RBM12B: variants seen among roughly 807,000 people sequenced by gnomAD.
The protein encoded by RBM12B is RNA-binding protein 12B.
In RBM12B, 10 loss-of-function variants were observed where a neutral mutation model predicts 34.3. That is an observed-to-expected ratio of 0.29 (90% CI 0.18 to 0.49). The LOEUF is 0.49. Ranked by LOEUF, RBM12B falls within the 20% of genes least tolerant of loss-of-function variation. The pLI is 0.99. For synonymous variants in RBM12B, 477 were observed against 437.1 expected, an observed-to-expected ratio of 1.09 and a Z score of -1.14; for missense variants, 1,139 against 1,262.7, an observed-to-expected ratio of 0.90 and a Z score of 1.48.
Position 93,740,616 on chromosome 8 carries a change from G to A in RBM12B, c.-78+13C>T. The A allele has an allele frequency of 2.9e-5, 12 of 415,640 alleles. No individual in the cohort carries two copies. The highest frequency in any genetic ancestry group is 1.4e-4 in the Admixed American group (5 of 34,988). The allele number at this position is 415,640 out of a possible 1,614,324, so 25.7% of individuals were successfully genotyped here. ...CCACTGACTACGATGACATAGCAAA[G>A]AAAAAAATATACCTATGAAATCCTT... On this transcript the variant is annotated intron_variant, in intron 2 of 3. Coordinates refer to ENST00000520560, the MANE Select transcript of RBM12B (RefSeq NM_001377960.1).
rs1223812339 is a variant in RBM12B at position 93,734,011 on chromosome 8, C to T, written c.2400G>A (p.Glu800=). The change falls in exon 4 of 4, where the codon GAG becomes GAA. Residue 800 remains glutamate (E), a synonymous_variant. Coordinates refer to ENST00000520560, the MANE Select transcript of RBM12B (RefSeq NM_001377960.1). ...CATCTGGTGGGTGCCTGAAATCTTC[C>T]TCTCGGGAGCGCCTGAAATGCTCCT... ...PPQEHFRRSR[E]EDFRHPPDED... is the part of the protein sequence containing the mutation. 6.2e-7 allele frequency: 1 copy of T among 1,609,322 alleles called. No individual in the cohort carries two copies. Among genetic ancestry groups the T allele is most frequent in the East Asian group, 2.2e-5 (1 of 44,810 alleles).
In RBM12B at chr8:93,740,713, A is replaced by G; in HGVS notation, c.-145-17T>C. 2.8e-6 allele frequency: 1 copy of G among 358,450 alleles called. No homozygotes were observed. Among genetic ancestry groups the G allele is most frequent in the Admixed American group, 3.8e-5 (1 of 26,646 alleles). The allele number at this position is 358,450 out of a possible 1,614,324, so 22.2% of individuals were successfully genotyped here. ...ACATGGAAGCTGACGGGAAAGGAAG[A>G]GTCGGTGTTTTAGCAAGAAAAGAGG... is the stretch of plus-strand genomic sequence containing the variant. On this transcript the variant is annotated splice_polypyrimidine_tract_variant and intron_variant, in intron 1 of 3. Transcript: ENST00000520560.
In RBM12B at chr8:93,731,382, A is replaced by T. The variant is rs1365041540; in HGVS notation, c.*2023T>A. ...TGAACCATCTATACAATCTTTGCTC[A>T]ATTAAAAATATCATTTCTACTTTCT... On this transcript the variant is annotated 3_prime_UTR_variant, in exon 4 of 4. Coordinates refer to ENST00000520560, the MANE Select transcript of RBM12B (RefSeq NM_001377960.1). 1 of 152,214 alleles carries T rather than the reference A, an allele frequency of 6.6e-6. No individual in the cohort carries two copies. Among genetic ancestry groups the T allele is most frequent in the Non-Finnish European group, 1.5e-5 (1 of 68,044 alleles). The allele number at this position is 152,214 out of a possible 1,614,324, so 9.4% of individuals were successfully genotyped here.
At position 93,734,536 on chromosome 8, in the gene RBM12B, C is replaced by G. The variant is rs1325079037; in HGVS notation, c.1875G>C (p.Glu625Asp). The G allele has an allele frequency of 1.2e-6, 2 of 1,613,180 alleles. No individual in the cohort carries two copies. Among genetic ancestry groups the G allele is most frequent in the South Asian group, 2.2e-5 (2 of 91,026 alleles). ...REEDWRRPLE[E>D]DWRRPLEEDF... ...CCTCCTCCAGTGGCCGCCTCCAGTC[C>G]TCCTCAAGGGGCCTCCTCCAGTCCT... Residue 625 changes from glutamate (E) to aspartate (D), a missense_variant, in exon 4 of 4, where the codon GAG becomes GAC. Glu to Asp is a conservative substitution (Grantham distance 45). Coordinates refer to ENST00000520560, the MANE Select transcript of RBM12B (RefSeq NM_001377960.1).
rs1350780194 is a variant in RBM12B at position 93,731,978 on chromosome 8, T to C, written c.*1427A>G. On this transcript the variant is annotated 3_prime_UTR_variant, in exon 4 of 4. Transcript: ENST00000520560. ...ATTTATGCTAATTTTAAACCAACAA[T>C]TGAAGTGAGAAAATAATCATTTATC... The C allele has an allele frequency of 6.6e-6, 1 of 152,298 alleles. No individual in the cohort carries two copies. Among genetic ancestry groups the C allele is most frequent in the Non-Finnish European group, 1.5e-5 (1 of 67,834 alleles). The allele number at this position is 152,298 out of a possible 1,614,324, so 9.4% of individuals were successfully genotyped here.
chr8:93,734,112 G>C lies in RBM12B; in HGVS notation c.2299C>G (p.Pro767Ala). The change falls in exon 4 of 4, where the codon CCC (proline) becomes GCC (alanine). Residue 767 changes from proline to alanine, a missense_variant. Physicochemically the swap from Pro to Ala is conservative, Grantham distance 27. Around this residue, in one of 3 missense-constraint regions of RBM12B, gnomAD observed 863 missense variants for 869.5 expected, o/e 0.99. Transcript: ENST00000520560. ...RPPPEHFRRP[P>A]PEHFRRPPPE... is the part of the protein sequence containing the mutation. ...GGCGGGCGCCTGAAATGCTCTGGGG[G>C]TGGCCGCCTGAAGTGCTCTGGGGGT... 1.3e-6 allele frequency: 2 copies of C among 1,558,812 alleles called. No individual in the cohort carries two copies. The highest frequency in any genetic ancestry group is 1.7e-6 in the Non-Finnish European group (2 of 1,154,806).
intron 2 of RBM12B, chr8:93,740,211 G>A: frequency 2.3e-6 from 1 of 431,634 alleles, no homozygotes; most frequent in Non-Finnish European, 4.7e-6. Flanking sequence ...ACCAATGAGA[G>A]CCACAGTCCC....
chr8:93,734,299 C>T lies in RBM12B; in HGVS notation c.2112G>A (p.Glu704=), dbSNP rs373825312. 6.2e-7 allele frequency: 1 copy of T among 1,613,560 alleles called. No homozygotes were observed. The highest frequency in any genetic ancestry group is 1.1e-5 in the South Asian group (1 of 91,048). ...CCTCAGGGGAATGCCTGAAATCCTCCTCTGGGGGCCGCCTGAAGTCATCCT... is the reference window on the plus strand; with the variant it reads ...CCTCAGGGGAATGCCTGAAATCCTCTTCTGGGGGCCGCCTGAAGTCATCCT... ...PPEDDFRRPP[E]EDFRHSPEED... is the part of the protein sequence containing the mutation. Residue 704 remains glutamate, a synonymous_variant, in exon 4 of 4, where the codon GAG becomes GAA. Transcript: ENST00000520560.
In RBM12B at chr8:93,735,220, G is replaced by A; in HGVS notation, c.1191C>T (p.Gly397=). 6.2e-7 allele frequency: 1 copy of A among 1,614,032 alleles called. No individual in the cohort carries two copies. Among genetic ancestry groups the A allele is most frequent in the Non-Finnish European group, 8.5e-7 (1 of 1,180,032 alleles). Residue 397 remains glycine (G), a synonymous_variant, in exon 4 of 4, where the codon GGC becomes GGT. Transcript: ENST00000520560. ...SQKYSQEGNS[G]QKLCIYIRNF... ...TTCTTATATAGATGCACAGTTTCTG[G>A]CCAGAGTTACCTTCTTGAGAGTATT...
chr8:93,733,199 TTTTAAA>T lies in RBM12B; in HGVS notation c.*200_*205del. On this transcript the variant is annotated 3_prime_UTR_variant, in exon 4 of 4. Coordinates refer to ENST00000520560, the MANE Select transcript of RBM12B (RefSeq NM_001377960.1). ...TCAAAGAAAAAAACAGCATGTGTAA[TTTTAAA>T]TTTGAAAAAAAAAAAGAATGGCAAT... 2.7e-6 allele frequency: 1 copy of T among 367,800 alleles called. No homozygotes were observed. The allele number at this position is 367,800 out of a possible 1,614,324, so 22.8% of individuals were successfully genotyped here.
intron 2 of RBM12B, among the ~76,000 whole-genome samples, chr8:93,737,980 A>T (rs1402102474): frequency 6.6e-6 from 1 of 152,190 alleles, no homozygotes; most frequent in Non-Finnish European, 1.5e-5. Flanking sequence ...AAAACAGCAA[A>T]GCCTGAAATT....
At position 93,736,243 on chromosome 8, in the gene RBM12B, G is replaced by A; in HGVS notation, c.168C>T (p.Ala56=). Residue 56 remains alanine (A), a synonymous_variant, in exon 4 of 4, where the codon GCC becomes GCT. Coordinates refer to ENST00000520560, the MANE Select transcript of RBM12B (RefSeq NM_001377960.1). ...IFATDEDARR[A]ISRSGGFIKD... is the part of the protein sequence containing the mutation. ...TGATAAACCCTCCTGAACGACTTAT[G>A]GCACGTCTTGCATCTTCATCTGTTG... 1 of 1,614,094 alleles carries A rather than the reference G, an allele frequency of 6.2e-7. No individual in the cohort carries two copies. The highest frequency in any genetic ancestry group is 1.1e-5 in the South Asian group (1 of 91,076).
chr8:93,735,897 G>A lies in RBM12B; in HGVS notation c.514C>T (p.Arg172Cys), dbSNP rs375093167. ...LPYLVNEDDV[R>C]VFFSGLCVDG... is the part of the protein sequence containing the mutation. ...ACGCACAAACCAGAGAAAAAGACAC[G>A]TACATCATCTTCATTTACTAGGTAA... The change falls in exon 4 of 4, where the codon CGT (arginine) becomes TGT (cysteine). Residue 172 changes from arginine to cysteine, a missense_variant. By Grantham distance (180) the Arg-to-Cys change is radical. Around this residue, in one of 3 missense-constraint regions of RBM12B, gnomAD observed 216 missense variants for 292.2 expected, o/e 0.74. Coordinates refer to ENST00000520560, the MANE Select transcript of RBM12B (RefSeq NM_001377960.1). 3.8e-5 allele frequency: 62 copies of A among 1,613,986 alleles called. No homozygotes were observed. The South Asian group carries it at 4.8e-4, about 13-fold the overall frequency.
At position 93,731,788 on chromosome 8, in the gene RBM12B, G is replaced by C. The variant is rs1811801663; in HGVS notation, c.*1617C>G. The stretch of plus-strand genomic sequence containing the variant: ...TTTATGTAAATTATAAAAGGCCAAA[G>C]TCAATCATGTTGAATAAAATAATTT... On this transcript the variant is annotated 3_prime_UTR_variant, in exon 4 of 4. Coordinates refer to ENST00000520560, the MANE Select transcript of RBM12B (RefSeq NM_001377960.1). The C allele has an allele frequency of 6.6e-6, 1 of 152,436 alleles. No homozygotes were observed. Among genetic ancestry groups the C allele is most frequent in the African/African-American group, 2.4e-5 (1 of 41,380 alleles). 9.4% of individuals were successfully genotyped at this position (152,436 alleles called of 1,614,324 possible). A position where few individuals can be genotyped will look rare whatever the true frequency, so the allele number is the denominator to read the frequency against.
rs376275334 is a variant in RBM12B at position 93,734,587 on chromosome 8, C to A, written c.1824G>T (p.Glu608Asp). The change falls in exon 4 of 4, where the codon GAG becomes GAT. Residue 608 changes from glutamate to aspartate, a missense_variant. Physicochemically the swap from Glu to Asp is conservative, Grantham distance 45. Around this residue, in one of 3 missense-constraint regions of RBM12B, gnomAD observed 863 missense variants for 869.5 expected, o/e 0.99. Transcript: ENST00000520560. ...CCTCCCTAGGGTGCCTGAAGTCATC[C>A]TCCGGAGGGCGCCTGAAATCTTCCT... ...PWEEDFRRPP[E>D]DDFRHPREED... is the part of the protein sequence containing the mutation. 23 of 1,613,508 alleles carry A rather than the reference C, an allele frequency of 1.4e-5. No individual in the cohort carries two copies. The highest frequency in any genetic ancestry group is 1.9e-5 in the Non-Finnish European group (22 of 1,179,814).
rs1811638655 is a variant in RBM12B, at chr8:93,728,398, C to T, written c.*5007G>A. 1 of 705,486 alleles carries T rather than the reference C, an allele frequency of 1.4e-6. No individual in the cohort carries two copies. Among genetic ancestry groups the T allele is most frequent in the African/African-American group, 1.9e-5 (1 of 52,628 alleles). 43.7% of individuals were successfully genotyped at this position (705,486 alleles called of 1,614,324 possible). On this transcript the variant is annotated 3_prime_UTR_variant, in exon 4 of 4. Coordinates refer to ENST00000520560, the MANE Select transcript of RBM12B (RefSeq NM_001377960.1). ...GCTATGTTAAGCCTCAAAGTGAAGT[C>T]CAACTGGAAACAGAAAAATAATTAA...
Position 93,733,473 on chromosome 8 carries a change from T to C in RBM12B, c.2938A>G (p.Met980Val), listed in dbSNP as rs1303561987. The C allele has an allele frequency of 4.4e-6, 7 of 1,596,734 alleles. No homozygotes were observed. The highest frequency in any genetic ancestry group is 2.7e-5 in the African/African-American group (2 of 73,990). The change falls in exon 4 of 4, where the codon ATG (methionine) becomes GTG (valine). Residue 980 changes from methionine to valine, a missense_variant. Met to Val is a conservative substitution (Grantham distance 21). Coordinates refer to ENST00000520560, the MANE Select transcript of RBM12B (RefSeq NM_001377960.1). ...IVAMINYNEAMAAIKDLNDRP... is the reference protein window; with the variant it reads ...IVAMINYNEAVAAIKDLNDRP... ...TCATTTAGATCTTTAATAGCAGCCA[T>C]AGCTTCATTATAGTTTATCATAGCA... is the stretch of plus-strand genomic sequence containing the variant.
intron 2 of RBM12B, among the ~76,000 whole-genome samples, chr8:93,739,924 G>A (rs563552266): frequency 6.6e-6 from 1 of 152,296 alleles, no homozygotes; most frequent in South Asian, 2.1e-4. Context: ...GATACAGAGA[G>A]GGAAACGGGA....
At position 93,728,769 on chromosome 8, in the gene RBM12B, A is replaced by C. The variant is rs1046258993; in HGVS notation, c.*4636T>G. 6.6e-6 allele frequency: 1 copy of C among 152,096 alleles called. No homozygotes were observed. The highest frequency in any genetic ancestry group is 1.5e-5 in the Non-Finnish European group (1 of 67,976). 9.4% of individuals were successfully genotyped at this position (152,096 alleles called of 1,614,324 possible). On this transcript the variant is annotated 3_prime_UTR_variant, in exon 4 of 4. Transcript: ENST00000520560. ...ACTTTCCCTGAAACTTTATCATTTG[A>C]TAAGTAAATTTACTTTTCAAGAAGA... is the stretch of plus-strand genomic sequence containing the variant.
Sources: gnomAD v4.1 joint callset for allele counts (sites outside exome capture counted in the v4.1 genomes callset) on GRCh38, gnomAD v4.1.1 for gene constraint, gnomAD v4.1.1 regional missense constraint, MANE v1.5 for transcripts, NCBI Gene and HGNC (gene_info 2026-07-23, HGNC 2026-07-21) for gene names.